The following RAP1GDS1 variants were observed in gnomAD, a reference collection of about 807,000 sequenced individuals.
RAP1GDS1 encodes the protein Rap1 GTPase-GDP dissociation stimulator 1, also known as RAP1, GTP-GDP dissociation stimulator 1.
RAP1GDS1 carries 35 observed loss-of-function variants against 71.1 expected under a neutral mutation model. The observed-to-expected ratio is 0.49, with a 90% CI of 0.38 to 0.65. RAP1GDS1 has a LOEUF of 0.65. Ranked by LOEUF, RAP1GDS1 falls within the 30% of genes least tolerant of loss-of-function variation. RAP1GDS1 has a pLI of 0.00. For synonymous variants in RAP1GDS1, 229 were observed against 243.1 expected, an observed-to-expected ratio of 0.94 and a Z score of 0.54; for missense variants, 663 against 706.1, an observed-to-expected ratio of 0.94 and a Z score of 0.69.
chr4:98,261,726 A>C, intron 1 of RAP1GDS1, 157 bp downstream of exon 1: 2 of 1,013,324 alleles, frequency 2.0e-6, no homozygotes. Flanking sequence ...CGCACGCGGA[A>C]CGCACGCCGG....
chr4:98,279,383 T>G (rs1309192419), intron 1 of RAP1GDS1, among the ~76,000 whole-genome samples: 1 of 151,768 alleles, frequency 6.6e-6, no homozygotes, highest in African/African-American at 2.4e-5. Context: ...AATTTTAAAA[T>G]TTTAAGATAA....
chr4:98,400,825 A>G (rs1386044325), intron 6 of RAP1GDS1, among the ~76,000 whole-genome samples: 3 of 152,170 alleles, frequency 2.0e-5, no homozygotes, highest in Admixed American at 6.6e-5. Context: ...CCCCATATAC[A>G]ATTATTATTT....
In RAP1GDS1 at chr4:98,416,350, T is replaced by G. The variant is rs542259612; in HGVS notation, c.764-395T>G. ...ATTTTCTTAGTTTTTTTTTTTTTTT[T>G]TTTTTTTTTTTTTTGAGACAGAGTC... On this transcript the variant is annotated intron_variant, in intron 7 of 14. Transcript: ENST00000408927. 3.3e-3 allele frequency among the ~76,000 whole-genome samples: 418 copies of G among 127,388 alleles called. 2 individuals carry two copies. The highest frequency in any genetic ancestry group is 6.8e-3 in the Admixed American group (87 of 12,798). The allele number at this position is 127,388 out of a possible 152,430, so 83.6% of individuals were successfully genotyped here. A position where few individuals can be genotyped will look rare whatever the true frequency, so the allele number is the denominator to read the frequency against.
chr4:98,267,116 C>T (rs1722801745), intron 1 of RAP1GDS1, among the ~76,000 whole-genome samples: 1 of 152,088 alleles, frequency 6.6e-6, no homozygotes, highest in African/African-American at 2.4e-5. Context: ...ATGTTGAGTT[C>T]AGTTTGCCAG....
chr4:98,308,523 C>G (rs1729727450), intron 2 of RAP1GDS1, among the ~76,000 whole-genome samples: 1 of 149,416 alleles, frequency 6.7e-6, no homozygotes, highest in Non-Finnish European at 1.5e-5. Flanking sequence ...GATTTTAAAC[C>G]ACAAATTTTT....
At chr4:98,381,136 G>GAAAT (rs1271071793) in intron 5 of RAP1GDS1, among the ~76,000 whole-genome samples, 2 of 151,616 alleles carry the variant, frequency 1.3e-5, no homozygotes, top group African/African-American at 2.4e-5. Context: ...GCATTCCCAA[G>GAAAT]AAATAACTTA....
intron 14 of RAP1GDS1, among the ~76,000 whole-genome samples, chr4:98,437,873 A>G (rs1004843785): frequency 5.3e-5 from 8 of 151,612 alleles, no homozygotes; most frequent in Non-Finnish European, 1.0e-4. Context: ...TATATGTTCT[A>G]TGGACACCTG....
In RAP1GDS1 at chr4:98,312,926, G is replaced by T. The variant is rs75795074; in HGVS notation, c.112+19411G>T. 4.9e-3 allele frequency among the ~76,000 whole-genome samples: 750 copies of T among 151,642 alleles called. 6 individuals are homozygous for T. Among genetic ancestry groups the T allele is most frequent in the South Asian group, 0.017 (83 of 4,776 alleles). ...CTAGTAAAAGTACAAAAAATTAGTC[G>T]GGCGAGGTGGCAGGCGCCTGTAGTC... On this transcript the variant is annotated intron_variant, in intron 2 of 14. Transcript: ENST00000408927.
At chr4:98,353,722 A>G (rs1737543231) in intron 4 of RAP1GDS1, among the ~76,000 whole-genome samples, 1 of 152,208 alleles carries the variant, frequency 6.6e-6, no homozygotes, top group Non-Finnish European at 1.5e-5. Flanking sequence ...TTCAGTCCCC[A>G]GTATAGCCTG....
chr4:98,422,301 T>A (rs933808841), intron 12 of RAP1GDS1, among the ~76,000 whole-genome samples: 2 of 151,608 alleles, frequency 1.3e-5, no homozygotes, highest in Non-Finnish European at 2.9e-5. Context: ...CATTGCAACC[T>A]CCACCTCCTG....
At chr4:98,286,886 TAAAAAAAAA>T (rs778410316) in intron 1 of RAP1GDS1, among the ~76,000 whole-genome samples, 5 of 90,158 alleles carry the variant, frequency 5.5e-5, no homozygotes, top group African/African-American at 1.6e-4. Flanking sequence ...AACTCCGTCT[TAAAAAAAAA>T]AAAAAAAAAA....
At position 98,430,408 on chromosome 4, in the gene RAP1GDS1, G is replaced by A. The variant is rs375449997; in HGVS notation, c.1441-3528G>A. Among the ~76,000 whole-genome samples the A allele has an allele frequency of 6.4e-4, 97 of 152,300 alleles. 4 individuals carry two copies. The South Asian group carries it at 0.019, about 30-fold the overall frequency. ...TGTTAATTGCATGAGTTCTATGTCAGAGCTGTTATTTTCTAACTTAACCAG... is the reference window on the plus strand; with the variant it reads ...TGTTAATTGCATGAGTTCTATGTCAAAGCTGTTATTTTCTAACTTAACCAG... On this transcript the variant is annotated intron_variant, in intron 12 of 14. Coordinates refer to ENST00000408927, the MANE Select transcript of RAP1GDS1 (RefSeq NM_001100427.2).
At chr4:98,432,316 A>G (rs991359954) in intron 12 of RAP1GDS1, among the ~76,000 whole-genome samples, 1 of 152,190 alleles carries the variant, frequency 6.6e-6, no homozygotes, top group African/African-American at 2.4e-5. Flanking sequence ...CAGTTCAAAC[A>G]TCTTCCCTAA....
intron 2 of RAP1GDS1, among the ~76,000 whole-genome samples, chr4:98,326,320 A>G (rs1335581224): frequency 6.6e-6 from 1 of 152,190 alleles, no homozygotes; most frequent in African/African-American, 2.4e-5. Flanking sequence ...TTTCAGCATT[A>G]GGCCATCTTT....
rs987749376 is a variant in RAP1GDS1, at chr4:98,408,102, A to T, written c.763+3500A>T. Among the ~76,000 whole-genome samples, 963 of 141,158 alleles carry T rather than the reference A, an allele frequency of 6.8e-3. 3 individuals carry two copies. The highest frequency in any genetic ancestry group is 0.019 in the South Asian group (86 of 4,588). 92.6% of individuals were successfully genotyped at this position (141,158 alleles called of 152,430 possible). A position where few individuals can be genotyped will look rare whatever the true frequency, so the allele number is the denominator to read the frequency against. ...ATGCCCATATATTTTATATATATAT[A>T]TATTTTTTTTTTTCCCTCCCCCGCA... On this transcript the variant is annotated intron_variant, in intron 7 of 14. Transcript: ENST00000408927.
intron 12 of RAP1GDS1, among the ~76,000 whole-genome samples, chr4:98,432,046 T>C (rs1750490423): frequency 1.3e-5 from 2 of 152,168 alleles, no homozygotes. Context: ...ACTCATCATT[T>C]ACATTAGGTA....
At chr4:98,409,602 C>T in intron 7 of RAP1GDS1, 1 of 212,356 alleles carries the variant, frequency 4.7e-6, no homozygotes, top group Non-Finnish European at 9.6e-6. Flanking sequence ...CCCCGAAACA[C>T]ATGAAGGAAA....
chr4:98,434,607 A>G (rs1047797782), intron 13 of RAP1GDS1, among the ~76,000 whole-genome samples: 1 of 148,218 alleles, frequency 6.7e-6, no homozygotes, highest in Non-Finnish European at 1.5e-5. Flanking sequence ...CATTAGTTTC[A>G]GTTTAACATA....
intron 2 of RAP1GDS1, among the ~76,000 whole-genome samples, chr4:98,296,617 C>T (rs752980831): frequency 6.6e-6 from 1 of 152,020 alleles, no homozygotes; most frequent in African/African-American, 2.4e-5. Flanking sequence ...TGAAGGCTAC[C>T]AGCCAAGAAA....
Sources: gnomAD v4.1 joint callset for allele counts (sites outside exome capture counted in the v4.1 genomes callset) on GRCh38, gnomAD v4.1.1 for gene constraint, MANE v1.5 for transcripts, NCBI Gene and HGNC (gene_info 2026-07-23, HGNC 2026-07-21) for gene names.